SP140L: variants seen among roughly 807,000 people sequenced by gnomAD.
SP140L encodes nuclear body protein SP140-like protein.
In SP140L, 64 loss-of-function variants were observed where a neutral mutation model predicts 84.3. The ratio of observed to expected loss-of-function variants is 0.76; its 90% CI spans 0.62 to 0.94. The LOEUF is 0.94. Among genes scored for constraint, SP140L ranks in the 40% least tolerant of loss-of-function variants. The pLI, the probability that SP140L is intolerant of heterozygous loss-of-function variation, is 0.00. For synonymous variants in SP140L, 242 were observed against 236.9 expected, an observed-to-expected ratio of 1.02 and a Z score of -0.20; for missense variants, 628 against 692.5, an observed-to-expected ratio of 0.91 and a Z score of 1.05.
intron 11 of SP140L, 108 bp downstream of exon 11, chr2:230,390,131 G>T: frequency 9.9e-7 from 1 of 1,007,446 alleles, no homozygotes; most frequent in Non-Finnish European, 1.5e-6. Context: ...TTTGGGCCCA[G>T]TTTAGCTTGA....
intron 2 of SP140L, among the ~76,000 whole-genome samples, chr2:230,348,413 G>A (rs1435612862): frequency 1.3e-5 from 2 of 152,100 alleles, no homozygotes; most frequent in Non-Finnish European, 2.9e-5. Context: ...TGTGTTTATA[G>A]CCATTCCAAT....
In SP140L at chr2:230,328,779, C is replaced by CA; in HGVS notation, c.57dup (p.Val20SerfsTer4). 1 of 1,612,766 alleles carries CA rather than the reference C, an allele frequency of 6.2e-7. No homozygotes were observed. The highest frequency in any genetic ancestry group is 2.2e-5 in the East Asian group (1 of 44,834). Reference sequence around the variant, plus strand: ...TAGGGGGCTGAACGGAGGTGTTTCACAAGTAGCAAATGAGATGAACCATCT... The same window carrying CA: ...TAGGGGGCTGAACGGAGGTGTTTCACAAAGTAGCAAATGAGATGAACCATCT... On this transcript the variant is annotated frameshift_variant, in exon 2 of 19. Coordinates refer to ENST00000415673, the MANE Select transcript of SP140L (RefSeq NM_138402.6). LOFTEE classifies it high-confidence loss of function.
At chr2:230,388,496 G>T in intron 9 of SP140L, 63 bp from the exon 10 acceptor site, 1 of 1,349,856 alleles carries the variant, frequency 7.4e-7, no homozygotes, top group Non-Finnish European at 1.0e-6. Context: ...TTTTTGAAAA[G>T]CAGCAATATA....
intron 5 of SP140L, among the ~76,000 whole-genome samples, chr2:230,367,794 T>C (rs1344934443): frequency 6.7e-6 from 1 of 149,752 alleles, no homozygotes; most frequent in East Asian, 1.9e-4. Context: ...TAGCTGGGCA[T>C]GGTGGCACGT....
At chr2:230,371,577 C>T (rs1267265626) in intron 6 of SP140L, 21 bp from the exon 7 acceptor site, 1 of 1,581,248 alleles carries the variant, frequency 6.3e-7, no homozygotes, top group Non-Finnish European at 8.6e-7. Flanking sequence ...TGTTTCCTCA[C>T]TACCACTTGT....
intron 2 of SP140L, among the ~76,000 whole-genome samples, chr2:230,353,284 T>C (rs990379257): frequency 6.6e-6 from 1 of 152,148 alleles, no homozygotes; most frequent in African/African-American, 2.4e-5. Flanking sequence ...TTATGCAATA[T>C]GTTTCATTTC....
chr2:230,377,327 A>G (rs1461115069), intron 7 of SP140L, among the ~76,000 whole-genome samples: 1 of 152,106 alleles, frequency 6.6e-6, no homozygotes, highest in African/African-American at 2.4e-5. Flanking sequence ...TGTTTTTTTT[A>G]AATGCTGATC....
At chr2:230,390,406 A>G (rs935527386) in intron 11 of SP140L, among the ~76,000 whole-genome samples, 1 of 152,286 alleles carries the variant, frequency 6.6e-6, no homozygotes, top group South Asian at 2.1e-4. Flanking sequence ...GGTGATGATC[A>G]CAGGTTTTAA....
chr2:230,388,955 C>G (rs1248554779), intron 10 of SP140L, among the ~76,000 whole-genome samples: 1 of 152,202 alleles, frequency 6.6e-6, no homozygotes, highest in African/African-American at 2.4e-5. Flanking sequence ...TGATCTTCCT[C>G]TGGCTACACA....
chr2:230,357,730 A>C, intron 2 of SP140L, 75 bp from the exon 3 acceptor site: 12 of 1,440,264 alleles, frequency 8.3e-6, no homozygotes, highest in Non-Finnish European at 1.1e-5. Flanking sequence ...TATCCGTTAT[A>C]CATAAAATCT....
chr2:230,373,553 TA>T (rs2061153555), intron 7 of SP140L, among the ~76,000 whole-genome samples: 1 of 152,226 alleles, frequency 6.6e-6, no homozygotes, highest in Non-Finnish European at 1.5e-5. Context: ...CTGAATATTT[TA>T]AACCCACCAT....
intron 2 of SP140L, among the ~76,000 whole-genome samples, chr2:230,356,827 T>C (rs1356729173): frequency 6.6e-6 from 1 of 152,224 alleles, no homozygotes; most frequent in Non-Finnish European, 1.5e-5. Flanking sequence ...TATGTGCTCA[T>C]TGTCCTCCAC....
At chr2:230,330,664 G>A (rs2059701125) in intron 2 of SP140L, among the ~76,000 whole-genome samples, 1 of 152,104 alleles carries the variant, frequency 6.6e-6, no homozygotes, top group African/African-American at 2.4e-5. Flanking sequence ...TGAAGGTCTT[G>A]TACTTCTGCT....
chr2:230,391,344 T>C (rs1022260255), intron 11 of SP140L, among the ~76,000 whole-genome samples: 4 of 152,164 alleles, frequency 2.6e-5, no homozygotes, highest in African/African-American at 9.7e-5. Flanking sequence ...CAGAAATGTA[T>C]GAAGGCTCCC....
chr2:230,361,066 C>T (rs2060699497), intron 4 of SP140L, among the ~76,000 whole-genome samples: 1 of 152,168 alleles, frequency 6.6e-6, no homozygotes, highest in Admixed American at 6.5e-5. Flanking sequence ...TCTCCCGCTT[C>T]AGCCTTCTGA....
chr2:230,358,270 G>C (rs963233990), intron 3 of SP140L, among the ~76,000 whole-genome samples: 1 of 152,096 alleles, frequency 6.6e-6, no homozygotes, highest in East Asian at 1.9e-4. Flanking sequence ...AATCATAATT[G>C]ACAGAGCATT....
At chr2:230,361,126 A>T (rs57734109) in intron 4 of SP140L, among the ~76,000 whole-genome samples, 57,786 of 151,754 alleles carry the variant, frequency 0.38, 13,552 homozygotes, top group East Asian at 0.82. Context: ...ATTTTGCTAA[A>T]TTTTTTTCAG....
chr2:230,394,738 G>C (rs570254940), intron 13 of SP140L, among the ~76,000 whole-genome samples: 4 of 152,142 alleles, frequency 2.6e-5, no homozygotes, highest in Non-Finnish European at 5.9e-5. Context: ...GAGGTCCCCC[G>C]AGTGGCAGAT....
rs534520554 is a variant in SP140L at position 230,373,940 on chromosome 2, A to G, written c.637+2289A>G. 3.3e-5 allele frequency among the ~76,000 whole-genome samples: 5 copies of G among 152,348 alleles called. No individual in the cohort carries two copies. In the East Asian group the frequency reaches 9.6e-4, roughly 29 times the overall value. ...AGCAGGAATTTGGAAGAAGTTGATT[A>G]CAACCCTTATTGATGACTTTGATGG... On this transcript the variant is annotated intron_variant, in intron 7 of 18. Coordinates refer to ENST00000415673, the MANE Select transcript of SP140L (RefSeq NM_138402.6).
Sources: allele counts gnomAD v4.1 joint callset (sites outside exome capture counted in the v4.1 genomes callset), GRCh38; gene constraint gnomAD v4.1.1; transcripts MANE v1.5; gene names NCBI Gene and HGNC (gene_info 2026-07-23, HGNC 2026-07-21).